Variants in OR56A1 observed in about 807,000 individuals in gnomAD.
The protein encoded by OR56A1 is olfactory receptor 56A1.
For synonymous variants in OR56A1, 174 were observed against 159.1 expected, an observed-to-expected ratio of 1.09 and a Z score of -0.70; for missense variants, 360 against 380.9, an observed-to-expected ratio of 0.94 and a Z score of 0.46.
upstream of OR56A1, among the ~76,000 whole-genome samples, chr11:6,034,110 C>T (rs1374065873): frequency 6.6e-6 from 1 of 152,152 alleles, no homozygotes; most frequent in Non-Finnish European, 1.5e-5. Flanking sequence ...GGAAGAAATA[C>T]AATCTACGAG....
At chr11:6,027,858 C>G (rs947987707) in intron 1 of OR56A1, 132 bp from the exon 2 acceptor site, 13 of 610,864 alleles carry the variant, frequency 2.1e-5, no homozygotes, top group Non-Finnish European at 3.5e-5. Context: ...AGCCAATATT[C>G]TAAAGGTAGA....
Position 6,019,496 on chromosome 11 carries a change from G to C in OR56A1, c.*7252C>G, listed in dbSNP as rs898728788. The stretch of plus-strand genomic sequence containing the variant: ...TTGGACTTACAGTTCCACATGGCTG[G>C]GGAAGCCTCACAATCATGGCAGAAG... On this transcript the variant is annotated 3_prime_UTR_variant, in exon 2 of 2. Transcript: ENST00000641900. The C allele has an allele frequency of 6.6e-6, 1 of 152,262 alleles. No homozygotes were observed. Among genetic ancestry groups the C allele is most frequent in the Non-Finnish European group, 1.5e-5 (1 of 68,126 alleles). 9.4% of individuals were successfully genotyped at this position (152,262 alleles called of 1,614,324 possible). A position where few individuals can be genotyped will look rare whatever the true frequency, so the allele number is the denominator to read the frequency against.
At position 6,027,308 on chromosome 11, in the gene OR56A1, T is replaced by C; in HGVS notation, c.385A>G (p.Ile129Val). ...GATGGGTACCGCAGTGGGTGGCAGA[T>C]GGCCACATAACGGTCATAGGCCATG... The part of the protein sequence containing the change: ...MVMAYDRYVA[I>V]CHPLRYPSII... The change falls in exon 2 of 2, where the codon ATC (isoleucine) becomes GTC (valine). Residue 129 changes from isoleucine to valine, a missense_variant. Physicochemically the swap from Ile to Val is conservative, Grantham distance 29 (BLOSUM62 3). Transcript: ENST00000641900. 1 of 1,614,186 alleles carries C rather than the reference T, an allele frequency of 6.2e-7. No individual in the cohort carries two copies. Among genetic ancestry groups the C allele is most frequent in the African/African-American group, 1.3e-5 (1 of 75,046 alleles).
intron 1 of OR56A1, 121 bp downstream of exon 1, chr11:6,030,581 A>G (rs7946925): frequency 0.23 from 34,326 of 151,994 alleles, 4,035 homozygotes; most frequent in Non-Finnish European, 0.26. Flanking sequence ...CTAACACCCC[A>G]TCTCCCTTGC....
upstream of OR56A1, among the ~76,000 whole-genome samples, chr11:6,032,823 T>C (rs1365888187): frequency 5.9e-5 from 9 of 152,254 alleles, no homozygotes; most frequent in East Asian, 1.7e-3. Flanking sequence ...AATATAAACA[T>C]AAAATGATCC....
rs981360919 is a variant in OR56A1 at position 6,022,309 on chromosome 11, C to T, written c.*4439G>A. 2.0e-5 allele frequency: 3 copies of T among 151,968 alleles called. No homozygotes were observed. The highest frequency in any genetic ancestry group is 7.3e-5 in the African/African-American group (3 of 41,372). 9.4% of individuals were successfully genotyped at this position (151,968 alleles called of 1,614,324 possible). On this transcript the variant is annotated 3_prime_UTR_variant, in exon 2 of 2. Coordinates refer to ENST00000641900, the MANE Select transcript of OR56A1 (RefSeq NM_001388488.1). ...GCACCAGTGAAGGTCTCTAAGAGCC[C>T]AGAACATGGAGGATCCACATAATAA...
intron 1 of OR56A1, among the ~76,000 whole-genome samples, chr11:6,028,686 G>A (rs1193230896): frequency 6.6e-6 from 1 of 152,062 alleles, no homozygotes; most frequent in Non-Finnish European, 1.5e-5. Context: ...TGCAATTGGT[G>A]GGAATGTAAA....
rs1286809846 is a variant in OR56A1 at position 6,022,826 on chromosome 11, T to C, written c.*3922A>G. The C allele has an allele frequency of 2.0e-5, 3 of 152,186 alleles. No individual in the cohort carries two copies. The highest frequency in any genetic ancestry group is 2.9e-5 in the Non-Finnish European group (2 of 68,028). 9.4% of individuals were successfully genotyped at this position (152,186 alleles called of 1,614,324 possible). On this transcript the variant is annotated 3_prime_UTR_variant, in exon 2 of 2. Transcript: ENST00000641900. ...CGTAAAGAACTCAATAACTAATTTT[T>C]GGTTGAATAGGTGCAGAAATGTTGT... is the stretch of plus-strand genomic sequence containing the variant.
At position 6,021,527 on chromosome 11, in the gene OR56A1, T is replaced by C. The variant is rs1848396185; in HGVS notation, c.*5221A>G. The C allele has an allele frequency of 6.6e-6, 1 of 152,030 alleles. No individual in the cohort carries two copies. The highest frequency in any genetic ancestry group is 2.1e-4 in the South Asian group (1 of 4,832). 9.4% of individuals were successfully genotyped at this position (152,030 alleles called of 1,614,324 possible). ...TAATTATTATGTATCAATTTTAAAA[T>C]GAATAATTAAATAAAAAATTATTTA... On this transcript the variant is annotated 3_prime_UTR_variant, in exon 2 of 2. Coordinates refer to ENST00000641900, the MANE Select transcript of OR56A1 (RefSeq NM_001388488.1).
chr11:6,032,336 A>G (rs898486601), upstream of OR56A1, among the ~76,000 whole-genome samples: 3 of 152,184 alleles, frequency 2.0e-5, no homozygotes, highest in African/African-American at 7.2e-5. Flanking sequence ...TCACTGAGGA[A>G]GCCACTTCTA....
At position 6,020,287 on chromosome 11, in the gene OR56A1, T is replaced by C. The variant is rs1478719008; in HGVS notation, c.*6461A>G. On this transcript the variant is annotated 3_prime_UTR_variant, in exon 2 of 2. Coordinates refer to ENST00000641900, the MANE Select transcript of OR56A1 (RefSeq NM_001388488.1). ...CTAGGAACTGAATTTCTTTGGCTAT[T>C]CAGGCTCTTTTTTGGTTTCATATGA... 2.0e-5 allele frequency: 3 copies of C among 152,104 alleles called. No individual in the cohort carries two copies. The highest frequency in any genetic ancestry group is 4.4e-5 in the Non-Finnish European group (3 of 67,966). 9.4% of individuals were successfully genotyped at this position (152,104 alleles called of 1,614,324 possible).
In OR56A1 at chr11:6,027,046, A is replaced by T. The variant is rs1181081574; in HGVS notation, c.647T>A (p.Leu216His). The change falls in exon 2 of 2, where the codon CTC (leucine) becomes CAC (histidine). Residue 216 changes from leucine to histidine, a missense_variant. By Grantham distance (99) the Leu-to-His change is moderately conservative. Transcript: ENST00000641900. ...GWTLLGSDLF[L>H]IFLSYTFILR... ...AATGAAGGTGTAAGAGAGGAAGATGAGGAATAAATCTGAGCCCAGCAAGGT... is the reference window on the plus strand; with the variant it reads ...AATGAAGGTGTAAGAGAGGAAGATGTGGAATAAATCTGAGCCCAGCAAGGT... 1.9e-6 allele frequency: 3 copies of T among 1,614,134 alleles called. No individual in the cohort carries two copies. The African/African-American group carries it at 4.0e-5, about 22-fold the overall frequency.
At chr11:6,027,806 C>T in intron 1 of OR56A1, 80 bp from the exon 2 acceptor site, 1 of 876,944 alleles carries the variant, frequency 1.1e-6, no homozygotes. Context: ...CTTTAGGAAG[C>T]CAATGATAGG....
intron 1 of OR56A1, among the ~76,000 whole-genome samples, 167 bp downstream of exon 1, chr11:6,030,535 A>G (rs1406669195): frequency 6.6e-6 from 1 of 152,076 alleles, no homozygotes; most frequent in Admixed American, 6.6e-5. Context: ...GCAATGCCAT[A>G]TATTATCTAC....
rs1848381652 is a variant in OR56A1 at position 6,020,227 on chromosome 11, G to A, written c.*6521C>T. ...TAACATAATCATAGCAGAATGTCAA[G>A]GCAGATTTCAAGTATATGTTTGAAC... On this transcript the variant is annotated 3_prime_UTR_variant, in exon 2 of 2. Coordinates refer to ENST00000641900, the MANE Select transcript of OR56A1 (RefSeq NM_001388488.1). 1 of 152,030 alleles carries A rather than the reference G, an allele frequency of 6.6e-6. No individual in the cohort carries two copies. The highest frequency in any genetic ancestry group is 2.1e-4 in the South Asian group (1 of 4,824). 9.4% of individuals were successfully genotyped at this position (152,030 alleles called of 1,614,324 possible).
rs1848467159 is a variant in OR56A1, at chr11:6,027,547, A to G, written c.146T>C (p.Leu49Pro). 1.2e-6 allele frequency: 2 copies of G among 1,614,040 alleles called. No homozygotes were observed. Among genetic ancestry groups the G allele is most frequent in the Non-Finnish European group, 1.7e-6 (2 of 1,180,006 alleles). The change falls in exon 2 of 2, where the codon CTG becomes CCG. Residue 49 changes from leucine (L) to proline (P), a missense_variant. By Grantham distance (98) the Leu-to-Pro change is moderately conservative. Coordinates refer to ENST00000641900, the MANE Select transcript of OR56A1 (RefSeq NM_001388488.1). ...LLAMGANTTL[L>P]ITIQLEASLH... ...AGAGGCCTCCAGCTGGATGGTGATC[A>G]GGAGGGTGGTGTTAGCTCCCATGGC...
upstream of OR56A1, among the ~76,000 whole-genome samples, chr11:6,034,010 C>T (rs1254054614): frequency 6.6e-6 from 1 of 152,112 alleles, no homozygotes; most frequent in Non-Finnish European, 1.5e-5. Context: ...ACCTTCTGTT[C>T]CTGGTCAGGC....
upstream of OR56A1, among the ~76,000 whole-genome samples, chr11:6,032,171 T>G (rs906688907): frequency 6.6e-6 from 1 of 152,004 alleles, no homozygotes; most frequent in Non-Finnish European, 1.5e-5. Context: ...AGTGAGGAAG[T>G]GTAGATGGGG....
At chr11:6,033,757 C>T (rs1232542286), upstream of OR56A1, among the ~76,000 whole-genome samples, 1 of 151,894 alleles carries the variant, frequency 6.6e-6, no homozygotes, top group African/African-American at 2.4e-5. Flanking sequence ...ATAAGGACCA[C>T]TAGAGAGAAA....
Sources: allele counts gnomAD v4.1 joint callset (sites outside exome capture counted in the v4.1 genomes callset), GRCh38; gene constraint gnomAD v4.1.1; transcripts MANE v1.5; gene names NCBI Gene and HGNC (gene_info 2026-07-23, HGNC 2026-07-21).